DCAF1: variants seen among roughly 807,000 people sequenced by gnomAD.
DCAF1 encodes DDB1- and CUL4-associated factor 1.
In DCAF1, 15 loss-of-function variants were observed where a neutral mutation model predicts 128.0. The observed-to-expected ratio is 0.12, with a 90% CI of 0.08 to 0.18. The LOEUF (loss-of-function observed/expected upper bound fraction) is 0.18. DCAF1 is among the 10% of genes least tolerant of loss of function. DCAF1 has a pLI of 1.00. For missense variants in DCAF1, 988 were observed against 1,649.5 expected (o/e 0.60, Z 6.95); for synonymous variants, 610 against 603.0 (o/e 1.01, Z -0.17).
At chr3:51,476,858 G>A (rs1553650728) in intron 3 of DCAF1, among the ~76,000 whole-genome samples, 3 of 151,950 alleles carry the variant, frequency 2.0e-5, no homozygotes, top group South Asian at 4.1e-4. Flanking sequence ...CTGGGCAACA[G>A]AGCAGACTCC....
rs1699883959 is a variant in DCAF1 at position 51,426,063 on chromosome 3, AAG to A, written c.1847+1307_1847+1308del. On this transcript the variant is annotated intron_variant, in intron 13 of 24. Coordinates refer to ENST00000684031, the MANE Select transcript of DCAF1 (RefSeq NM_001387579.1). ...CACTCTCATTCTCTCATTGCATAGT[AAG>A]AGAGTCTTCCAGAGATGATGTGATG... 2.0e-5 allele frequency among the ~76,000 whole-genome samples: 3 copies of A among 152,330 alleles called. No individual in the cohort carries two copies. The South Asian group carries it at 6.2e-4, about 32-fold the overall frequency.
intron 3 of DCAF1, among the ~76,000 whole-genome samples, chr3:51,475,538 T>A (rs782208852): frequency 4.0e-5 from 6 of 151,776 alleles, no homozygotes; most frequent in Non-Finnish European, 7.4e-5. Flanking sequence ...AGCCCAGGAA[T>A]TCAAGGCTGC....
At chr3:51,476,807 G>A (rs1258049437) in intron 3 of DCAF1, among the ~76,000 whole-genome samples, 3 of 151,758 alleles carry the variant, frequency 2.0e-5, no homozygotes, top group East Asian at 3.9e-4. Context: ...CCCGGGAGGC[G>A]GAGCTTGCAG....
At chr3:51,406,933 C>T (rs1553626799) in intron 23 of DCAF1, among the ~76,000 whole-genome samples, 1 of 152,228 alleles carries the variant, frequency 6.6e-6, no homozygotes, top group African/African-American at 2.4e-5. Context: ...GTGGCTCACA[C>T]CTGTAATCCC....
At chr3:51,450,327 G>A (rs1457386309) in intron 6 of DCAF1, among the ~76,000 whole-genome samples, 1 of 152,078 alleles carries the variant, frequency 6.6e-6, no homozygotes, top group Non-Finnish European at 1.5e-5. Flanking sequence ...CAAAACTATA[G>A]ACCAATATAT....
chr3:51,438,389 G>A (rs1701050883), intron 9 of DCAF1, among the ~76,000 whole-genome samples: 1 of 151,922 alleles, frequency 6.6e-6, no homozygotes, highest in African/African-American at 2.4e-5. Context: ...AAAATAAAAC[G>A]GCATAGGTAT....
chr3:51,408,723 A>AC (rs138059407), intron 23 of DCAF1, among the ~76,000 whole-genome samples: 1 of 152,352 alleles, frequency 6.6e-6, no homozygotes, highest in African/African-American at 2.4e-5. Context: ...TCAAATAGAT[A>AC]CGGTATTATC....
intron 2 of DCAF1, among the ~76,000 whole-genome samples, chr3:51,487,591 C>A (rs1441689215): frequency 6.6e-6 from 1 of 152,076 alleles, no homozygotes; most frequent in East Asian, 1.9e-4. Flanking sequence ...TTTTACATGA[C>A]CTTGACAATC....
rs557834443 is a variant in DCAF1 at position 51,419,585 on chromosome 3, T to C, written c.3236+149A>G. On this transcript the variant is annotated intron_variant, in intron 15 of 24. Transcript: ENST00000684031. ...AACAATCACACAAGGAACCCATGGT[T>C]GACAAAAGGTGGTACAATTACATTG... 122 of 1,377,180 alleles carry C rather than the reference T, an allele frequency of 8.9e-5. 1 individual carries two copies. The Admixed American group carries it at 3.3e-3, about 37-fold the overall frequency. 85.3% of individuals were successfully genotyped at this position (1,377,180 alleles called of 1,614,324 possible). A position where few individuals can be genotyped will look rare whatever the true frequency, so the allele number is the denominator to read the frequency against.
chr3:51,468,652 CAGAGA>C (rs1704397232), intron 4 of DCAF1, among the ~76,000 whole-genome samples: 1 of 152,064 alleles, frequency 6.6e-6, no homozygotes, highest in Non-Finnish European at 1.5e-5. Flanking sequence ...AAAGAAACAT[CAGAGA>C]AAAGTATCAC....
At chr3:51,447,925 C>T (rs1356987035) in intron 6 of DCAF1, among the ~76,000 whole-genome samples, 3 of 151,558 alleles carry the variant, frequency 2.0e-5, no homozygotes, top group Non-Finnish European at 2.9e-5. Flanking sequence ...CCAACCTGGG[C>T]GACAGAGCAA....
intron 13 of DCAF1, among the ~76,000 whole-genome samples, chr3:51,426,426 T>C (rs1009282554): frequency 1.3e-5 from 2 of 152,168 alleles, no homozygotes; most frequent in Admixed American, 6.5e-5. Context: ...CCCAGGCTGG[T>C]CTCAAACTTC....
intron 24 of DCAF1, among the ~76,000 whole-genome samples, chr3:51,402,566 A>ATTCTTTT (rs2089791037): frequency 1.2e-5 from 1 of 84,984 alleles, no homozygotes; most frequent in Non-Finnish European, 2.0e-5. Context: ...CCTACAAAGC[A>ATTCTTTT]TTTTTTTTTT....
intron 6 of DCAF1, 116 bp from the exon 7 acceptor site, chr3:51,444,019 TA>T: frequency 5.3e-6 from 5 of 939,802 alleles, no homozygotes; most frequent in South Asian, 2.0e-5. Flanking sequence ...TTCGTAAGAG[TA>T]AAAAAAGTAC....
chr3:51,476,997 T>C (rs370796132), intron 3 of DCAF1, among the ~76,000 whole-genome samples: 4 of 150,864 alleles, frequency 2.7e-5, no homozygotes, highest in Non-Finnish European at 5.9e-5. Context: ...GGCAGGAGAA[T>C]TGCTTGCACC....
chr3:51,460,700 T>G (rs1553644241), intron 6 of DCAF1, among the ~76,000 whole-genome samples: 1 of 152,172 alleles, frequency 6.6e-6, no homozygotes, highest in African/African-American at 2.4e-5. Flanking sequence ...ATGGTACTGG[T>G]ACCAAAACAG....
intron 13 of DCAF1, among the ~76,000 whole-genome samples, chr3:51,423,507 A>T (rs1161686094): frequency 8.6e-5 from 13 of 151,094 alleles, no homozygotes; most frequent in Admixed American, 8.6e-4. Flanking sequence ...GTCTCCACAA[A>T]AAAAAAAAAA....
chr3:51,428,819 AC>A (rs1399922429), intron 12 of DCAF1, among the ~76,000 whole-genome samples: 3 of 151,200 alleles, frequency 2.0e-5, no homozygotes, highest in African/African-American at 4.9e-5. Flanking sequence ...ACATAGTGAG[AC>A]CCCCATCTCC....
rs781909117 is a variant in DCAF1 at position 51,420,119 on chromosome 3, A to G, written c.2851T>C (p.Ser951Pro). The G allele has an allele frequency of 3.1e-6, 5 of 1,613,860 alleles. No homozygotes were observed. The African/African-American group carries it at 6.7e-5, about 22-fold the overall frequency. Residue 951 changes from serine (S) to proline (P), a missense_variant, in exon 15 of 25, where the codon TCC (serine) becomes CCC (proline). Ser to Pro is a moderately conservative substitution (Grantham distance 74). This residue lies in a region of DCAF1 where 88 missense variants were observed against 107.7 expected (regional missense o/e 0.82). Coordinates refer to ENST00000684031, the MANE Select transcript of DCAF1 (RefSeq NM_001387579.1). The surrounding 1 kb of genome is among the most constrained non-coding windows in gnomAD (Gnocchi z 6.5). ...AAACTGATTCTACCAATCAAAGGGG[A>G]GTTGCCTGCATAAGATGGGCCGGGC... ...ALPGPSYAGNSPLIGRISFIR... is the reference protein window; with the variant it reads ...ALPGPSYAGNPPLIGRISFIR...
Sources: gnomAD v4.1 joint callset for allele counts (sites outside exome capture counted in the v4.1 genomes callset) on GRCh38, gnomAD v4.1.1 for gene constraint, gnomAD v4.1.1 regional missense constraint, Gnocchi (gnomAD v3.1) non-coding constraint, MANE v1.5 for transcripts, NCBI Gene and HGNC (gene_info 2026-07-23, HGNC 2026-07-21) for gene names.